Variants in ZMYM1 observed in about 807,000 individuals in gnomAD.
ZMYM1 encodes the protein zinc finger MYM-type protein 1.
Under a neutral mutation model 60.0 loss-of-function variants are expected in ZMYM1, and 39 were observed. The observed-to-expected ratio is 0.65, with a 90% confidence interval of 0.50 to 0.85. The LOEUF (loss-of-function observed/expected upper bound fraction) is 0.85. ZMYM1 is among the 40% of genes least tolerant of loss of function. ZMYM1 has a pLI of 0.00. For missense variants in ZMYM1, 1,171 were observed against 1,309.5 expected (o/e 0.89, Z 1.63); for synonymous variants, 413 against 454.0 (o/e 0.91, Z 1.15).
intron 1 of ZMYM1, among the ~76,000 whole-genome samples, chr1:35,079,950 A>G (rs1642283931): frequency 6.6e-6 from 1 of 152,160 alleles, no homozygotes; most frequent in African/African-American, 2.4e-5. Context: ...CGTCTCTACT[A>G]AAAGTACAAA....
chr1:35,104,393 A>G lies in ZMYM1; in HGVS notation c.518A>G (p.Glu173Gly). ...CSLSCLSSYE[E>G]KRKPFVTICT... ...CTATCTTGTCTTTCATCATATGAAG[A>G]AAAAAGAAAACCATTTGTTACCATA... Residue 173 changes from glutamate (E) to glycine (G), a missense_variant, in exon 5 of 10, where the codon GAA becomes GGA. Transcript: ENST00000359858. The G allele has an allele frequency of 6.2e-7, 1 of 1,613,310 alleles. No homozygotes were observed. The highest frequency in any genetic ancestry group is 8.5e-7 in the Non-Finnish European group (1 of 1,179,730).
rs1286434272 is a variant in ZMYM1, at chr1:35,115,816, C to T, written c.*557C>T. On this transcript the variant is annotated 3_prime_UTR_variant, in exon 10 of 10. Transcript: ENST00000359858. ...TTGTGCCAGTTTACAGTCCCACCCACAATGCATGAGAGTGCCTATTAAATC... is the reference window on the plus strand; with the variant it reads ...TTGTGCCAGTTTACAGTCCCACCCATAATGCATGAGAGTGCCTATTAAATC... 6.6e-6 allele frequency: 1 copy of T among 152,180 alleles called. No homozygotes were observed. The highest frequency in any genetic ancestry group is 1.9e-4 in the East Asian group (1 of 5,202). The allele number at this position is 152,180 out of a possible 1,614,324, so 9.4% of individuals were successfully genotyped here.
At chr1:35,104,999 A>C (rs1344383039) in intron 6 of ZMYM1, among the ~76,000 whole-genome samples, 2 of 152,228 alleles carry the variant, frequency 1.3e-5, no homozygotes, top group African/African-American at 4.8e-5. Context: ...AAGAAAAGGC[A>C]GGCAGGCTGG....
rs1386396285 is a variant in ZMYM1, at chr1:35,080,363, C to CTGAGTG, written c.-75+922_-75+927dup. Among the ~76,000 whole-genome samples the CTGAGTG allele has an allele frequency of 2.7e-5, 4 of 146,016 alleles. No individual in the cohort carries two copies. In the Admixed American group the frequency reaches 2.8e-4, roughly 10 times the overall value. ...ACTGGGTCTCGCTCTTTGGCCCAGG[C>CTGAGTG]TGAGTGCAGTGACACGATCACGGCT... On this transcript the variant is annotated intron_variant, in intron 1 of 9. Transcript: ENST00000359858.
chr1:35,115,381 G>C lies in ZMYM1; in HGVS notation c.*122G>C. 8.4e-7 allele frequency: 1 copy of C among 1,194,290 alleles called. No homozygotes were observed. Among genetic ancestry groups the C allele is most frequent in the Non-Finnish European group, 1.1e-6 (1 of 886,106 alleles). The allele number at this position is 1,194,290 out of a possible 1,614,324, so 74.0% of individuals were successfully genotyped here. A position where few individuals can be genotyped will look rare whatever the true frequency, so the allele number is the denominator to read the frequency against. On this transcript the variant is annotated 3_prime_UTR_variant, in exon 10 of 10. Transcript: ENST00000359858. Reference sequence around the variant, plus strand: ...CAGTGAAGTCTCCTTCCCTCCTTTAGAACTCATTTTCTCTTCCCAAAAAGT... The same window carrying C: ...CAGTGAAGTCTCCTTCCCTCCTTTACAACTCATTTTCTCTTCCCAAAAAGT...
intron 4 of ZMYM1, among the ~76,000 whole-genome samples, chr1:35,102,816 T>A (rs1489010784): frequency 6.6e-6 from 1 of 152,218 alleles, no homozygotes; most frequent in African/African-American, 2.4e-5. Flanking sequence ...AGAAGTACTT[T>A]ATGCTTATGT....
chr1:35,095,061 GCC>G (rs1643234841), intron 2 of ZMYM1, among the ~76,000 whole-genome samples: 4 of 152,038 alleles, frequency 2.6e-5, no homozygotes, highest in Non-Finnish European at 4.4e-5. Context: ...GCTTCTTCAT[GCC>G]ATGGACATTC....
chr1:35,089,200 G>A (rs1189855893), intron 1 of ZMYM1, among the ~76,000 whole-genome samples: 2 of 152,022 alleles, frequency 1.3e-5, no homozygotes, highest in African/African-American at 4.8e-5. Context: ...TTTATCTTAC[G>A]AATAACAATA....
In ZMYM1 at chr1:35,114,168, A is replaced by G. The variant is rs747636221; in HGVS notation, c.2338A>G (p.Met780Val). The change falls in exon 10 of 10, where the codon ATG (methionine) becomes GTG (valine). Residue 780 changes from methionine to valine, a missense_variant. Met to Val is a conservative substitution (Grantham distance 21, BLOSUM62 1). Transcript: ENST00000359858. The stretch of plus-strand genomic sequence containing the variant: ...CAGTTCTTTGTTCAACACTATTTGT[A>G]TGTCTGGGGAAATGTTGGCAAATTT... ...TLSSLFNTIC[M>V]SGEMLANFRN... 9 of 1,610,954 alleles carry G rather than the reference A, an allele frequency of 5.6e-6. No individual in the cohort carries two copies. In the African/African-American group the frequency reaches 8.0e-5, roughly 14 times the overall value.
upstream of ZMYM1, among the ~76,000 whole-genome samples, chr1:35,074,516 C>G (rs1162409252): frequency 2.0e-5 from 3 of 152,024 alleles, no homozygotes; most frequent in African/African-American, 7.2e-5. Context: ...TCAAGCGATT[C>G]TCCTGCCTCA....
chr1:35,082,425 G>C (rs1642436896), intron 1 of ZMYM1, among the ~76,000 whole-genome samples: 1 of 151,648 alleles, frequency 6.6e-6, no homozygotes, highest in Non-Finnish European at 1.5e-5. Context: ...CCACCTCCTG[G>C]GTTCATGCAG....
intron 6 of ZMYM1, 54 bp from the exon 7 acceptor site, chr1:35,110,236 CTTCA>C (rs1256999683): frequency 2.1e-5 from 26 of 1,252,328 alleles, no homozygotes; most frequent in Admixed American, 3.0e-5. Context: ...ATAGGTTCTT[CTTCA>C]TTAACAACAT....
intron 1 of ZMYM1, among the ~76,000 whole-genome samples, chr1:35,065,320 C>T (rs1386761351): frequency 6.6e-6 from 1 of 151,900 alleles, no homozygotes; most frequent in Non-Finnish European, 1.5e-5. Flanking sequence ...TTTTATGACC[C>T]ATTTACACAT....
intron 1 of ZMYM1, among the ~76,000 whole-genome samples, chr1:35,083,158 T>C (rs1328702618): frequency 6.6e-6 from 1 of 151,684 alleles, no homozygotes; most frequent in African/African-American, 2.4e-5. Flanking sequence ...TTGTTTCTTT[T>C]CTTTTTTTTT....
rs1345253649 is a variant in ZMYM1 at position 35,062,565 on chromosome 1, C to T, written c.-301+2640C>T. ...GAAAGTACACTGAAGTAGGAGATAC[C>T]AGGCACAGGTTTGTAATCCTAAATC... On this transcript the variant is annotated intron_variant, in intron 1 of 10. Coordinates refer to the ZMYM1 transcript ENST00000417119. Among the ~76,000 whole-genome samples, 8 of 152,294 alleles carry T rather than the reference C, an allele frequency of 5.3e-5. 1 individual carries two copies. The South Asian group carries it at 1.5e-3, about 28-fold the overall frequency.
At chr1:35,074,443 T>C (rs1344476208), upstream of ZMYM1, among the ~76,000 whole-genome samples, 1 of 152,022 alleles carries the variant, frequency 6.6e-6, no homozygotes, top group Non-Finnish European at 1.5e-5. Flanking sequence ...TTTTTGAGAC[T>C]CTGTCACCAG....
chr1:35,113,642 T>A lies in ZMYM1; in HGVS notation c.1812T>A (p.Leu604=), dbSNP rs1453259404. 1.2e-6 allele frequency: 2 copies of A among 1,612,604 alleles called. No homozygotes were observed. The highest frequency in any genetic ancestry group is 4.5e-5 in the East Asian group (2 of 44,836). The change falls in exon 10 of 10, where the codon CTT becomes CTA. Residue 604 remains leucine, a synonymous_variant. Transcript: ENST00000359858. The part of the protein sequence containing the change: ...AKDKGEETFR[L]MNSQVDFYNS... ...ATAAAGGAGAAGAAACATTTCGACT[T>A]ATGAATTCACAAGTTGACTTCTATA...
At chr1:35,064,662 A>G (rs925438833) in intron 1 of ZMYM1, among the ~76,000 whole-genome samples, 16 of 150,830 alleles carry the variant, frequency 1.1e-4, no homozygotes, top group Non-Finnish European at 2.1e-4. Flanking sequence ...ATCTCCAAAC[A>G]TATGGAAATT....
rs74224903 is a variant in ZMYM1, at chr1:35,087,335, T to G, written c.-74-6579T>G. Among the ~76,000 whole-genome samples the G allele has an allele frequency of 3.3e-5, 5 of 152,056 alleles. No individual in the cohort carries two copies. In the East Asian group the frequency reaches 9.7e-4, roughly 29 times the overall value. On this transcript the variant is annotated intron_variant, in intron 1 of 9. Transcript: ENST00000359858. ...AGTAGTTTGAACCATCAGGGTTATATAAATACTATTGTACTAATTTTCCAG... is the reference window on the plus strand; with the variant it reads ...AGTAGTTTGAACCATCAGGGTTATAGAAATACTATTGTACTAATTTTCCAG...
Sources: gnomAD v4.1 joint callset for allele counts (sites outside exome capture counted in the v4.1 genomes callset) on GRCh38, gnomAD v4.1.1 for gene constraint, MANE v1.5 for transcripts, NCBI Gene and HGNC (gene_info 2026-07-23, HGNC 2026-07-21) for gene names.